The following PGCKA1 variants were observed in gnomAD, a reference collection of about 807,000 sequenced individuals.
PGCKA1 encodes PDCD10 and GCKIII kinases associated 1.
At chr4:37,543,300 C>G in the PGCKA1 span, among the ~76,000 whole-genome samples, 4 of 152,162 alleles carry the variant, frequency 2.6e-5, no homozygotes, top group African/African-American at 9.7e-5. Flanking sequence ...CCACTGAACC[C>G]CCTGCCTTTA....
At chr4:37,453,422 G>C in the PGCKA1 span, among the ~76,000 whole-genome samples, 2 of 152,130 alleles carry the variant, frequency 1.3e-5, no homozygotes, top group African/African-American at 4.8e-5. Context: ...CGTGGTGGTG[G>C]CGCCCCCGCT....
the PGCKA1 span, among the ~76,000 whole-genome samples, chr4:37,566,564 C>G: frequency 6.6e-6 from 1 of 150,564 alleles, no homozygotes; most frequent in Non-Finnish European, 1.5e-5. Context: ...TATAGGCACC[C>G]AAAATTCTTG....
the PGCKA1 span, among the ~76,000 whole-genome samples, chr4:37,564,601 G>A: frequency 2.0e-5 from 3 of 152,050 alleles, no homozygotes; most frequent in Middle Eastern, 3.4e-3. Flanking sequence ...CCGCCTCTTG[G>A]ATTCAAGTGA....
At chr4:37,545,228 C>T in the PGCKA1 span, among the ~76,000 whole-genome samples, 2 of 152,120 alleles carry the variant, frequency 1.3e-5, no homozygotes, top group Middle Eastern at 3.2e-3. Flanking sequence ...CAGGCATTCT[C>T]ACAGAAACAA....
At chr4:37,570,447 AAG>A in the PGCKA1 span, among the ~76,000 whole-genome samples, 4 of 151,380 alleles carry the variant, frequency 2.6e-5, no homozygotes, top group Non-Finnish European at 5.9e-5. Context: ...AAAAAAAAAA[AAG>A]ATTGAGCTGT....
chr4:37,526,542 A>G, the PGCKA1 span, among the ~76,000 whole-genome samples: 2 of 152,238 alleles, frequency 1.3e-5, no homozygotes, highest in African/African-American at 2.4e-5. Flanking sequence ...AGCATAAAGT[A>G]TGAACCATAA....
chr4:37,515,700 A>G, the PGCKA1 span, among the ~76,000 whole-genome samples: 2 of 152,210 alleles, frequency 1.3e-5, no homozygotes, highest in Non-Finnish European at 2.9e-5. Context: ...GTCCTGTACA[A>G]TTGTAAATTG....
At chr4:37,455,991 C>T in the PGCKA1 span, among the ~76,000 whole-genome samples, 107 of 152,362 alleles carry the variant, frequency 7.0e-4, no homozygotes, top group Middle Eastern at 3.4e-3. Context: ...AACCCTGAAT[C>T]TTGGGATCTT....
the PGCKA1 span, among the ~76,000 whole-genome samples, chr4:37,578,432 G>A: frequency 6.6e-6 from 1 of 151,958 alleles, no homozygotes; most frequent in African/African-American, 2.4e-5. Context: ...TTCAGTCTAT[G>A]TGTGTCTTTA....
chr4:37,572,063 C>CCTTTTTT, the PGCKA1 span, among the ~76,000 whole-genome samples: 1 of 89,972 alleles, frequency 1.1e-5, no homozygotes, highest in Non-Finnish European at 2.0e-5. Flanking sequence ...TTTTTTTTTT[C>CCTTTTTT]TTTTTTTTTT....
the PGCKA1 span, among the ~76,000 whole-genome samples, chr4:37,565,903 T>C: frequency 1.7e-3 from 260 of 152,210 alleles, no homozygotes; most frequent in African/African-American, 5.8e-3. Context: ...CCAGCGAATA[T>C]AAAGCAGGCA....
the PGCKA1 span, among the ~76,000 whole-genome samples, chr4:37,493,534 T>C: frequency 2.0e-5 from 3 of 152,210 alleles, no homozygotes; most frequent in East Asian, 5.8e-4. Context: ...GAAGCAGATA[T>C]CATGGCATGA....
the PGCKA1 span, among the ~76,000 whole-genome samples, chr4:37,525,151 G>A: frequency 1.3e-5 from 2 of 152,154 alleles, no homozygotes; most frequent in Non-Finnish European, 2.9e-5. Context: ...TAATGCAGAG[G>A]AGGAGAACTG....
the PGCKA1 span, among the ~76,000 whole-genome samples, chr4:37,523,164 G>A: frequency 1.2e-3 from 186 of 152,278 alleles, no homozygotes; most frequent in African/African-American, 4.3e-3. Flanking sequence ...GACCACAGGG[G>A]TCAGTAATTC....
At chr4:37,516,424 G>A in the PGCKA1 span, among the ~76,000 whole-genome samples, 1 of 152,208 alleles carries the variant, frequency 6.6e-6, no homozygotes, top group Non-Finnish European at 1.5e-5. Context: ...ATGTCTATGT[G>A]TATCTTTGCA....
chr4:37,539,231 C>T, the PGCKA1 span, among the ~76,000 whole-genome samples: 1,797 of 152,230 alleles, frequency 0.012, 30 homozygotes, highest in Non-Finnish European at 0.019. Context: ...GAGGATGTTA[C>T]GTGAAAAATG....
At chr4:37,529,733 G>T in the PGCKA1 span, among the ~76,000 whole-genome samples, 1 of 152,082 alleles carries the variant, frequency 6.6e-6, no homozygotes, top group African/African-American at 2.4e-5. Flanking sequence ...CTCTTTCATC[G>T]GTGTTTTCGT....
the PGCKA1 span, among the ~76,000 whole-genome samples, chr4:37,471,382 G>A: frequency 6.6e-6 from 1 of 152,128 alleles, no homozygotes; most frequent in Non-Finnish European, 1.5e-5. Context: ...CTTACAGTTT[G>A]TTATACAGGA....
At chr4:37,487,891 C>G in the PGCKA1 span, among the ~76,000 whole-genome samples, 2 of 152,056 alleles carry the variant, frequency 1.3e-5, no homozygotes, top group African/African-American at 4.8e-5. Context: ...TTTTATTGCT[C>G]ATTCTTTTTT....
Sources: gnomAD v4.1 joint callset for allele counts (sites outside exome capture counted in the v4.1 genomes callset) on GRCh38, gnomAD v4.1.1 for gene constraint, MANE v1.5 for transcripts, NCBI Gene and HGNC (gene_info 2026-07-23, HGNC 2026-07-21) for gene names.